PDE4D: variants seen among roughly 807,000 people sequenced by gnomAD.
PDE4D encodes phosphodiesterase 4D.
Under a neutral mutation model 87.4 loss-of-function variants are expected in PDE4D, and 24 were observed. The observed-to-expected ratio is 0.27, with a 90% CI of 0.20 to 0.39. The LOEUF (loss-of-function observed/expected upper bound fraction) is 0.39, where lower values mean the gene tolerates loss of function less well. Ranked by LOEUF, PDE4D falls within the 10% of genes least tolerant of loss-of-function variation. The pLI is 1.00. For missense variants in PDE4D, 714 were observed against 1,041.0 expected, an observed-to-expected ratio of 0.69 and a Z score of 4.32; for synonymous variants, 384 against 383.2, an observed-to-expected ratio of 1.00 and a Z score of -0.02.
rs545961465 is a variant in PDE4D, at chr5:59,877,080, C to T, written c.455+16088G>A. Among the ~76,000 whole-genome samples the T allele has an allele frequency of 1.1e-4, 16 of 152,230 alleles. No individual in the cohort carries two copies. In the South Asian group the frequency reaches 2.7e-3, roughly 26 times the overall value. On this transcript the variant is annotated intron_variant, in intron 1 of 14. Coordinates refer to ENST00000340635, the MANE Select transcript of PDE4D (RefSeq NM_001104631.2). ...ATATTTACAACTCTACATGAAAACA[C>T]AATACCTTGATTCTAAGAAAATGAA... is the stretch of plus-strand genomic sequence containing the variant.
At chr5:59,159,271 G>T (rs1185129111) in intron 5 of PDE4D, among the ~76,000 whole-genome samples, 2 of 151,542 alleles carry the variant, frequency 1.3e-5, no homozygotes, top group African/African-American at 4.9e-5. Context: ...TAGGACTACA[G>T]GCATGTGCCA....
At chr5:60,189,060 C>G (rs1389119227) in intron 1 of PDE4D, among the ~76,000 whole-genome samples, 1 of 152,222 alleles carries the variant, frequency 6.6e-6, no homozygotes, top group Non-Finnish European at 1.5e-5. Context: ...AAAGCTTTCT[C>G]CCTCCAGGTG....
intron 1 of PDE4D, among the ~76,000 whole-genome samples, chr5:59,420,422 A>T (rs2153626896): frequency 6.6e-6 from 1 of 152,314 alleles, no homozygotes; most frequent in Non-Finnish European, 1.5e-5. Flanking sequence ...CAGAGACAAC[A>T]GCAACCCCAG....
intron 3 of PDE4D, among the ~76,000 whole-genome samples, chr5:59,975,818 T>C (rs1213134715): frequency 6.6e-6 from 1 of 152,238 alleles, no homozygotes; most frequent in African/African-American, 2.4e-5. Context: ...ATCTCATCCC[T>C]GGACTTTGAC....
chr5:60,033,160 G>A (rs1161347818), intron 2 of PDE4D: 5 of 152,058 alleles, frequency 3.3e-5, no homozygotes, highest in African/African-American at 1.2e-4. Context: ...AAGTATCTCA[G>A]CTTTCATTTG....
At chr5:59,424,246 T>A (rs1266081059) in intron 1 of PDE4D, among the ~76,000 whole-genome samples, 1 of 152,202 alleles carries the variant, frequency 6.6e-6, no homozygotes, top group South Asian at 2.1e-4. Context: ...TTAAATCTGT[T>A]ACTGCTAATA....
intron 2 of PDE4D, among the ~76,000 whole-genome samples, chr5:60,042,153 A>G (rs1768592479): frequency 6.6e-6 from 1 of 152,122 alleles, no homozygotes; most frequent in Admixed American, 6.5e-5. Context: ...AGGCTTCAGT[A>G]GGCGGTTTTC....
intron 1 of PDE4D, among the ~76,000 whole-genome samples, chr5:59,892,380 A>G (rs1751079278): frequency 6.6e-6 from 1 of 152,144 alleles, no homozygotes; most frequent in Non-Finnish European, 1.5e-5. Flanking sequence ...TGCTGCTAAA[A>G]CAAGGCGCTT....
intron 1 of PDE4D, among the ~76,000 whole-genome samples, chr5:60,189,784 A>C (rs1048653955): frequency 6.6e-6 from 1 of 152,344 alleles, no homozygotes; most frequent in South Asian, 2.1e-4. Context: ...GGTTTTAAAA[A>C]GTTTATTGAG....
chr5:59,036,800 A>G (rs936845811), intron 6 of PDE4D, among the ~76,000 whole-genome samples: 2 of 152,240 alleles, frequency 1.3e-5, no homozygotes, highest in Non-Finnish European at 2.9e-5. Context: ...TGTGACAGCA[A>G]TAATTTTTCA....
chr5:60,143,603 T>TTTTGTGTGTGTGTGTGTGTG (rs1780730543), intron 2 of PDE4D, among the ~76,000 whole-genome samples: 27 of 117,692 alleles, frequency 2.3e-4, no homozygotes, highest in African/African-American at 8.3e-4. Flanking sequence ...AGCTTGGGAA[T>TTTTGTGTGTGTGTGTGTGTG]TGTGTGTGTG....
chr5:59,978,609 ATAT>A (rs1475694270), intron 3 of PDE4D, among the ~76,000 whole-genome samples: 1 of 152,206 alleles, frequency 6.6e-6, no homozygotes, highest in African/African-American at 2.4e-5. Context: ...AGGATTTAAA[ATAT>A]TATATAAACT....
At chr5:59,747,129 G>A (rs1759725598) in intron 1 of PDE4D, among the ~76,000 whole-genome samples, 1 of 152,058 alleles carries the variant, frequency 6.6e-6, no homozygotes. Flanking sequence ...GCAAGGCCTT[G>A]CCATGACAGA....
At chr5:59,434,339 G>T (rs1354443291) in intron 1 of PDE4D, among the ~76,000 whole-genome samples, 1 of 151,782 alleles carries the variant, frequency 6.6e-6, no homozygotes, top group East Asian at 1.9e-4. Flanking sequence ...GTTATCATCT[G>T]TTAATGACCA....
intron 1 of PDE4D, among the ~76,000 whole-genome samples, chr5:59,354,088 C>T (rs1342353362): frequency 6.6e-6 from 1 of 152,048 alleles, no homozygotes; most frequent in East Asian, 1.9e-4. Flanking sequence ...AGTGTACCCC[C>T]AGTAGCATGC....
At chr5:59,194,939 C>T (rs1463655693) in intron 2 of PDE4D, among the ~76,000 whole-genome samples, 1 of 152,092 alleles carries the variant, frequency 6.6e-6, no homozygotes, top group Non-Finnish European at 1.5e-5. Context: ...GCTTCACACT[C>T]ATGAATGAAT....
intron 2 of PDE4D, among the ~76,000 whole-genome samples, chr5:60,095,812 T>C (rs985797488): frequency 1.7e-4 from 26 of 152,196 alleles, no homozygotes; most frequent in African/African-American, 6.3e-4. Context: ...TATCTCATTG[T>C]GGTTTTGATT....
At chr5:59,451,399 C>T (rs1455835376) in intron 1 of PDE4D, among the ~76,000 whole-genome samples, 1 of 152,174 alleles carries the variant, frequency 6.6e-6, no homozygotes, top group Non-Finnish European at 1.5e-5. Flanking sequence ...GATAGCTCCC[C>T]ATCAATTTCT....
chr5:59,771,160 TAAATAAAA>T (rs1445214693), intron 1 of PDE4D, among the ~76,000 whole-genome samples: 2 of 149,802 alleles, frequency 1.3e-5, no homozygotes. Context: ...AATAAATAAA[TAAATAAAA>T]AGGTTAGCTT....
Sources: gnomAD v4.1 joint callset for allele counts (sites outside exome capture counted in the v4.1 genomes callset) on GRCh38, gnomAD v4.1.1 for gene constraint, MANE v1.5 for transcripts, NCBI Gene and HGNC (gene_info 2026-07-23, HGNC 2026-07-21) for gene names.